SPECC1: variants seen among roughly 807,000 people sequenced by gnomAD.
SPECC1 encodes cytospin-B.
Under a neutral mutation model 104.1 loss-of-function variants are expected in SPECC1, and 62 were observed. That is an observed-to-expected ratio of 0.60 (90% CI 0.49 to 0.74). SPECC1 has a LOEUF of 0.74. SPECC1 is among the 30% of genes least tolerant of loss of function. The probability of loss-of-function intolerance (pLI) is 0.00; values close to 1 mark genes in which losing one functional copy is unlikely to be tolerated. For missense variants in SPECC1, 1,306 were observed against 1,310.5 expected, an observed-to-expected ratio of 1.00 and a Z score of 0.05; for synonymous variants, 513 against 501.6, an observed-to-expected ratio of 1.02 and a Z score of -0.30.
intron 3 of SPECC1, among the ~76,000 whole-genome samples, chr17:20,161,300 G>A (rs928183554): frequency 6.6e-6 from 1 of 152,126 alleles, no homozygotes; most frequent in South Asian, 2.1e-4. Flanking sequence ...CCTAGGCTTC[G>A]TCACAGGTAA....
intron 7 of SPECC1, among the ~76,000 whole-genome samples, chr17:20,242,980 C>G (rs1474931185): frequency 6.6e-6 from 1 of 152,072 alleles, no homozygotes; most frequent in Non-Finnish European, 1.5e-5. Context: ...TTAAGCATGG[C>G]CCCTAAACAC....
chr17:20,200,247 T>G (rs8081600), intron 3 of SPECC1, among the ~76,000 whole-genome samples: 5,850 of 152,298 alleles, frequency 0.038, 369 homozygotes, highest in African/African-American at 0.13. Context: ...GTTCTCAATA[T>G]CATGTGTTCT....
intron 4 of SPECC1, among the ~76,000 whole-genome samples, chr17:20,209,595 A>AT (rs2037004834): frequency 6.6e-6 from 1 of 151,122 alleles, no homozygotes; most frequent in South Asian, 2.1e-4. Flanking sequence ...TGATTTCTTT[A>AT]TTTTTTTCAA....
intron 9 of SPECC1, among the ~76,000 whole-genome samples, chr17:20,251,015 C>T (rs2039605807): frequency 6.6e-6 from 1 of 151,748 alleles, no homozygotes; most frequent in Non-Finnish European, 1.5e-5. Flanking sequence ...TCACTGGAGG[C>T]CAGGAGTTCA....
intron 8 of SPECC1, among the ~76,000 whole-genome samples, chr17:20,246,725 C>G (rs745824363): frequency 1.3e-5 from 2 of 152,240 alleles, no homozygotes; most frequent in African/African-American, 4.8e-5. Flanking sequence ...GAATGTGCAT[C>G]TGTCTACAGT....
chr17:20,276,874 T>C (rs1462069196), intron 12 of SPECC1, among the ~76,000 whole-genome samples: 1 of 152,232 alleles, frequency 6.6e-6, no homozygotes, highest in Non-Finnish European at 1.5e-5. Flanking sequence ...AGGCAGGGCC[T>C]GGGCCCAGTT....
chr17:20,107,455 CTTTTTTCTTTTTT>C (rs1384753926), intron 2 of SPECC1, among the ~76,000 whole-genome samples: 2 of 145,748 alleles, frequency 1.4e-5, no homozygotes, highest in Non-Finnish European at 3.0e-5. Flanking sequence ...CTTTTCTTTT[CTTTTTTCTTTTTT>C]TTTTTTTTTT....
At chr17:20,059,984 C>T (rs536120648) in intron 1 of SPECC1, among the ~76,000 whole-genome samples, 1 of 152,348 alleles carries the variant, frequency 6.6e-6, no homozygotes, top group East Asian at 1.9e-4. Context: ...AGCACTTCCT[C>T]TTCCACATGG....
chr17:20,092,720 C>T (rs1306975427), intron 1 of SPECC1, among the ~76,000 whole-genome samples: 1 of 152,192 alleles, frequency 6.6e-6, no homozygotes. Flanking sequence ...CAACAGCCTT[C>T]TGTGTGCCTG....
At chr17:20,039,338 TAA>T (rs1204674361) in intron 1 of SPECC1, among the ~76,000 whole-genome samples, 1 of 152,210 alleles carries the variant, frequency 6.6e-6, no homozygotes, top group Non-Finnish European at 1.5e-5. Context: ...TATCAGTTGT[TAA>T]GAGAGGGTGT....
At chr17:20,162,574 A>G (rs962904648) in intron 3 of SPECC1, among the ~76,000 whole-genome samples, 2 of 152,248 alleles carry the variant, frequency 1.3e-5, no homozygotes, top group African/African-American at 4.8e-5. Context: ...ATAGACACAC[A>G]TAGAAAGCAC....
intron 1 of SPECC1, among the ~76,000 whole-genome samples, chr17:20,044,298 T>C (rs1010591723): frequency 6.6e-6 from 1 of 152,046 alleles, no homozygotes; most frequent in African/African-American, 2.4e-5. Flanking sequence ...TCTTACGAGG[T>C]AGTGGTAAAG....
chr17:20,078,793 A>G (rs1403923082), intron 1 of SPECC1, among the ~76,000 whole-genome samples: 2 of 152,216 alleles, frequency 1.3e-5, no homozygotes, highest in Non-Finnish European at 2.9e-5. Flanking sequence ...ATTTAATAAA[A>G]AGCACTGGAT....
chr17:20,206,013 TGTTTCA>T, intron 4 of SPECC1, 101 bp downstream of exon 4: 1 of 1,451,532 alleles, frequency 6.9e-7, no homozygotes, highest in Non-Finnish European at 9.2e-7. Context: ...TTGCTTAGTC[TGTTTCA>T]TTCACGAAGC....
chr17:20,119,790 G>C (rs969360528), intron 3 of SPECC1, among the ~76,000 whole-genome samples: 2 of 152,160 alleles, frequency 1.3e-5, no homozygotes, highest in African/African-American at 4.8e-5. Context: ...TTACATGCGT[G>C]AAAACGAGGA....
At chr17:20,060,664 G>C (rs1452848606) in intron 1 of SPECC1, among the ~76,000 whole-genome samples, 1 of 152,044 alleles carries the variant, frequency 6.6e-6, no homozygotes, top group Non-Finnish European at 1.5e-5. Context: ...TGACATATAG[G>C]ATATGTGTCT....
Position 20,316,689 on chromosome 17 carries a change from G to T in SPECC1, c.*2624G>T, listed in dbSNP as rs1304222408. Reference sequence around the variant, plus strand: ...CCGGCTGTTTTTTTGTGTTTTTTTTGTTGTTGTTTGTTTGTTTTTTTTTTT... The same window carrying T: ...CCGGCTGTTTTTTTGTGTTTTTTTTTTTGTTGTTTGTTTGTTTTTTTTTTT... On this transcript the variant is annotated 3_prime_UTR_variant, in exon 15 of 15. Coordinates refer to ENST00000395527, the MANE Select transcript of SPECC1 (RefSeq NM_001243439.2). 1.3e-4 allele frequency: 19 copies of T among 143,146 alleles called. No homozygotes were observed. In the South Asian group the frequency reaches 2.1e-3, roughly 16 times the overall value. The allele number at this position is 143,146 out of a possible 1,614,324, so 8.9% of individuals were successfully genotyped here.
intron 3 of SPECC1, among the ~76,000 whole-genome samples, chr17:20,184,888 A>G (rs1211374984): frequency 1.3e-5 from 2 of 152,272 alleles, no homozygotes; most frequent in African/African-American, 4.8e-5. Context: ...ATGCAGCAAA[A>G]TATTTCTTAA....
At chr17:20,291,089 A>G (rs1025006999) in intron 12 of SPECC1, among the ~76,000 whole-genome samples, 1 of 152,224 alleles carries the variant, frequency 6.6e-6, no homozygotes, top group African/African-American at 2.4e-5. Flanking sequence ...TGGATGCACA[A>G]GTTCCTTGGG....
Sources: allele counts gnomAD v4.1 joint callset (sites outside exome capture counted in the v4.1 genomes callset), GRCh38; gene constraint gnomAD v4.1.1; transcripts MANE v1.5; gene names NCBI Gene and HGNC (gene_info 2026-07-23, HGNC 2026-07-21).